The following SLC4A10 variants were observed in gnomAD, a reference collection of about 807,000 sequenced individuals.
The protein encoded by SLC4A10 is sodium-driven chloride bicarbonate exchanger.
A neutral mutation model predicts 137.7 loss-of-function variants in SLC4A10; 42 were observed. The observed-to-expected ratio is 0.30, with a 90% CI of 0.24 to 0.39. The LOEUF (loss-of-function observed/expected upper bound fraction) is 0.39. Ranked by LOEUF, SLC4A10 falls within the 10% of genes least tolerant of loss-of-function variation. SLC4A10 has a pLI of 1.00. For missense variants in SLC4A10, 925 were observed against 1,355.0 expected, an observed-to-expected ratio of 0.68 and a Z score of 4.98; for synonymous variants, 474 against 464.1, an observed-to-expected ratio of 1.02 and a Z score of -0.27.
chr2:161,933,698 A>G (rs1691040887), intron 15 of SLC4A10, among the ~76,000 whole-genome samples: 3 of 152,152 alleles, frequency 2.0e-5, no homozygotes. Context: ...CTCAGCCTCA[A>G]TGCCATGTTT....
chr2:161,691,178 A>G (rs2041956201), intron 1 of SLC4A10, among the ~76,000 whole-genome samples: 1 of 152,144 alleles, frequency 6.6e-6, no homozygotes, highest in Non-Finnish European at 1.5e-5. Flanking sequence ...ATTTACAGAT[A>G]TAACCCAACA....
At chr2:161,861,476 C>T (rs567797088) in intron 5 of SLC4A10, among the ~76,000 whole-genome samples, 1 of 143,742 alleles carries the variant, frequency 7.0e-6, no homozygotes, top group Non-Finnish European at 1.5e-5. Flanking sequence ...AGAATTATAG[C>T]CAACCTAACT....
In SLC4A10 at chr2:161,704,069, A is replaced by G. The variant is rs1192137760; in HGVS notation, c.49-66904A>G. Among the ~76,000 whole-genome samples the G allele has an allele frequency of 2.0e-5, 3 of 151,830 alleles. No homozygotes were observed. In the South Asian group the frequency reaches 6.2e-4, roughly 31 times the overall value. On this transcript the variant is annotated intron_variant, in intron 1 of 26. Transcript: ENST00000446997. ...TTTCATCACTTCTCAAAAAAAGAGA[A>G]GTAGGTATTCTGCAGTACTCTCAGT... is the stretch of plus-strand genomic sequence containing the variant.
chr2:161,663,696 T>A (rs920508575), intron 1 of SLC4A10, among the ~76,000 whole-genome samples: 4 of 152,066 alleles, frequency 2.6e-5, no homozygotes. Flanking sequence ...CTGTGAAATA[T>A]GATTACATAT....
intron 15 of SLC4A10, among the ~76,000 whole-genome samples, chr2:161,925,726 T>C (rs1451261569): frequency 6.6e-6 from 1 of 152,148 alleles, no homozygotes; most frequent in Non-Finnish European, 1.5e-5. Flanking sequence ...GCTTTGAATG[T>C]GTCCCAGAGA....
intron 10 of SLC4A10, among the ~76,000 whole-genome samples, chr2:161,889,567 C>T (rs1019030844): frequency 2.0e-5 from 3 of 152,056 alleles, no homozygotes; most frequent in Admixed American, 6.6e-5. Flanking sequence ...AGTTTATTTG[C>T]GTAGAGGTGT....
intron 1 of SLC4A10, among the ~76,000 whole-genome samples, chr2:161,717,796 G>A (rs10197108): frequency 0.83 from 126,782 of 152,120 alleles, 52,893 homozygotes; most frequent in Middle Eastern, 0.88. Context: ...TGAGGATGAC[G>A]CTGGCCTCAT....
intron 1 of SLC4A10, among the ~76,000 whole-genome samples, chr2:161,665,034 A>G (rs1261864265): frequency 6.6e-6 from 1 of 151,832 alleles, no homozygotes; most frequent in Non-Finnish European, 1.5e-5. Context: ...TATACAAGTT[A>G]GTTCAGAGAT....
chr2:161,883,707 G>A (rs538230821), intron 10 of SLC4A10, among the ~76,000 whole-genome samples: 1 of 152,174 alleles, frequency 6.6e-6, no homozygotes, highest in East Asian at 1.9e-4. Flanking sequence ...TATTCTGGTG[G>A]CTCTTGGTCT....
chr2:161,974,013 T>C (rs1014426945), intron 23 of SLC4A10, among the ~76,000 whole-genome samples: 1 of 152,218 alleles, frequency 6.6e-6, no homozygotes, highest in African/African-American at 2.4e-5. Flanking sequence ...TTGAGTGACA[T>C]GAAGGAGATT....
At chr2:161,825,950 C>T (rs947811628) in intron 3 of SLC4A10, among the ~76,000 whole-genome samples, 1 of 152,118 alleles carries the variant, frequency 6.6e-6, no homozygotes, top group Non-Finnish European at 1.5e-5. Flanking sequence ...AATCTTATAT[C>T]CCATGTGGAA....
At chr2:161,945,879 G>T (rs140362975) in intron 16 of SLC4A10, among the ~76,000 whole-genome samples, 277 of 152,026 alleles carry the variant, frequency 1.8e-3, no homozygotes, top group African/African-American at 6.5e-3. Flanking sequence ...CCCGCCAAAT[G>T]ACTTTTATAC....
At chr2:161,744,363 C>A (rs976044372) in intron 1 of SLC4A10, among the ~76,000 whole-genome samples, 35 of 152,150 alleles carry the variant, frequency 2.3e-4, no homozygotes, top group Middle Eastern at 3.4e-3. Context: ...TAATCAAATT[C>A]TTTTTCAGTA....
At chr2:161,933,240 TTTCTTTCTTTC>T (rs1463784692) in intron 15 of SLC4A10, among the ~76,000 whole-genome samples, 26 of 136,388 alleles carry the variant, frequency 1.9e-4, no homozygotes, top group African/African-American at 4.9e-4. Context: ...TCTTTCTTTC[TTTCTTTCTTTC>T]TTCTTTCTTT....
rs932132910 is a variant in SLC4A10 at position 161,633,618 on chromosome 2, T to A, written c.48+9052T>A. ...GTGTTATATCATTTAGACTAATGAC[T>A]CAGTAATAGTAGCTATTATTCTTAT... is the stretch of plus-strand genomic sequence containing the variant. On this transcript the variant is annotated intron_variant, in intron 1 of 26. Coordinates refer to ENST00000446997, the MANE Select transcript of SLC4A10 (RefSeq NM_001178015.2). Among the ~76,000 whole-genome samples the A allele has an allele frequency of 3.3e-5, 5 of 151,848 alleles. No individual in the cohort carries two copies. The East Asian group carries it at 9.7e-4, about 29-fold the overall frequency.
intron 3 of SLC4A10, among the ~76,000 whole-genome samples, chr2:161,805,647 G>A (rs559768661): frequency 2.6e-5 from 4 of 152,312 alleles, no homozygotes; most frequent in African/African-American, 4.8e-5. Flanking sequence ...TTAAAGCTCC[G>A]AAATGATCTC....
chr2:161,709,168 A>G (rs1248339851), intron 1 of SLC4A10, among the ~76,000 whole-genome samples: 1 of 151,556 alleles, frequency 6.6e-6, no homozygotes, highest in Non-Finnish European at 1.5e-5. Flanking sequence ...CAATCTTTAT[A>G]TTTTACTTCA....
chr2:161,804,570 G>T lies in SLC4A10; in HGVS notation c.252G>T (p.Glu84Asp), dbSNP rs1259341628. ...KRDRERDSGL[E>D]DGRESPSFDT... ...ACAGAGAAAGAGATTCAGGATTAGA[G>T]GATGGAAGGGAGTCACCTTCTTTTG... Residue 84 changes from glutamate (E) to aspartate (D), a missense_variant, in exon 3 of 27, where the codon GAG (glutamate) becomes GAT (aspartate). Glu to Asp is a conservative substitution (Grantham distance 45). Transcript: ENST00000446997. 1.2e-6 allele frequency: 2 copies of T among 1,611,490 alleles called. No homozygotes were observed. Among genetic ancestry groups the T allele is most frequent in the Middle Eastern group, 1.7e-4 (1 of 6,052 alleles).
intron 1 of SLC4A10, among the ~76,000 whole-genome samples, chr2:161,765,261 A>T (rs529558596): frequency 1.3e-5 from 2 of 152,134 alleles, no homozygotes; most frequent in South Asian, 4.1e-4. Flanking sequence ...GCCCAAAAAA[A>T]TTTTAAAACA....
Sources: gnomAD v4.1 joint callset for allele counts (sites outside exome capture counted in the v4.1 genomes callset) on GRCh38, gnomAD v4.1.1 for gene constraint, MANE v1.5 for transcripts, NCBI Gene and HGNC (gene_info 2026-07-23, HGNC 2026-07-21) for gene names.